Variants in ZC3H14 observed in about 807,000 individuals in gnomAD.
ZC3H14 encodes zinc finger CCCH domain-containing protein 14.
Under a neutral mutation model 92.4 loss-of-function variants are expected in ZC3H14, and 31 were observed. The observed-to-expected ratio is 0.34, with a 90% CI of 0.25 to 0.45. The LOEUF is 0.45. Among genes scored for constraint, ZC3H14 ranks in the 20% least tolerant of loss-of-function variants. The pLI is 1.00. For missense variants in ZC3H14, 781 were observed against 897.3 expected (o/e 0.87, Z 1.66); for synonymous variants, 321 against 300.9 (o/e 1.07, Z -0.69).
chr14:88,568,732 A>G (rs1206547385), intron 3 of ZC3H14, among the ~76,000 whole-genome samples: 2 of 152,202 alleles, frequency 1.3e-5, no homozygotes, highest in African/African-American at 2.4e-5. Context: ...CTCTAGCTAT[A>G]AAATGGAAAT....
rs2087590689 is a variant in ZC3H14, at chr14:88,616,234, G to A, written c.*4483G>A. 9 of 1,613,810 alleles carry A rather than the reference G, an allele frequency of 5.6e-6. No homozygotes were observed. The highest frequency in any genetic ancestry group is 7.6e-6 in the Non-Finnish European group (9 of 1,179,744). On this transcript the variant is annotated 3_prime_UTR_variant, in exon 17 of 17. Transcript: ENST00000251038. ...GGGGCGAATGACCCAAGAACCTTTT[G>A]TGTTTTGCCTAAAAAACAATGACAG...
chr14:88,599,524 C>T, intron 10 of ZC3H14, among the ~76,000 whole-genome samples: 1 of 152,192 alleles, frequency 6.6e-6, no homozygotes, highest in East Asian at 1.9e-4. Context: ...GTTCCGCTTG[C>T]AGAGAGGTGT....
At position 88,603,001 on chromosome 14, in the gene ZC3H14, C is replaced by T. The variant is rs1262819430; in HGVS notation, c.1688C>T (p.Pro563Leu). Residue 563 changes from proline (P) to leucine (L), a missense_variant, in exon 12 of 17, where the codon CCA becomes CTA. Transcript: ENST00000251038. Reference sequence around the variant, plus strand: ...AAGGGACTCAGAGGTCTCCTCCACCCACAGCAGTTGCACTTGCTGAGCAGG... The same window carrying T: ...AAGGGACTCAGAGGTCTCCTCCACCTACAGCAGTTGCACTTGCTGAGCAGG... ...SNKGLRGLLHPQQLHLLSRQL... is the reference protein window; with the variant it reads ...SNKGLRGLLHLQQLHLLSRQL... 2.5e-6 allele frequency: 4 copies of T among 1,614,070 alleles called. No individual in the cohort carries two copies. The highest frequency in any genetic ancestry group is 3.3e-5 in the Admixed American group (2 of 60,008).
At chr14:88,563,431 C>G in intron 1 of ZC3H14, 7 of 1,429,456 alleles carry the variant, frequency 4.9e-6, no homozygotes, top group Non-Finnish European at 6.3e-6. Context: ...CGGCGCACGG[C>G]GCCGCTTTGG....
At chr14:88,578,357 T>C (rs1336687185) in intron 9 of ZC3H14, among the ~76,000 whole-genome samples, 1 of 152,094 alleles carries the variant, frequency 6.6e-6, no homozygotes, top group Non-Finnish European at 1.5e-5. Flanking sequence ...GCCCAGGCAG[T>C]CCTCAAACTC....
chr14:88,600,880 A>T (rs1409892992), intron 10 of ZC3H14, among the ~76,000 whole-genome samples: 1 of 152,042 alleles, frequency 6.6e-6, no homozygotes, highest in Non-Finnish European at 1.5e-5. Flanking sequence ...CAGCCATTCC[A>T]CATTCTAACC....
chr14:88,598,246 C>T (rs1465940219), intron 10 of ZC3H14, among the ~76,000 whole-genome samples: 1 of 152,140 alleles, frequency 6.6e-6, no homozygotes, highest in Non-Finnish European at 1.5e-5. Flanking sequence ...CTGTTTGAAA[C>T]TAGACCCTGT....
intron 3 of ZC3H14, among the ~76,000 whole-genome samples, chr14:88,569,861 C>A (rs2080167702): frequency 6.6e-6 from 1 of 152,144 alleles, no homozygotes. Context: ...GTATAGTGGT[C>A]ATCAGTTGTT....
chr14:88,572,537 C>T (rs1262795712), intron 5 of ZC3H14, 41 bp from the exon 6 acceptor site: 1 of 1,608,872 alleles, frequency 6.2e-7, no homozygotes, highest in Non-Finnish European at 8.5e-7. Context: ...TGATAATTGC[C>T]CTAATTTGGC....
At chr14:88,592,844 C>T (rs2083323453) in intron 9 of ZC3H14, among the ~76,000 whole-genome samples, 1 of 152,146 alleles carries the variant, frequency 6.6e-6, no homozygotes, top group Admixed American at 6.5e-5. Context: ...CATCTACCAA[C>T]TTGCATCCTT....
intron 2 of ZC3H14, among the ~76,000 whole-genome samples, chr14:88,567,198 C>T (rs1429340465): frequency 1.3e-5 from 2 of 151,106 alleles, no homozygotes; most frequent in African/African-American, 4.9e-5. Flanking sequence ...GCACTGCAAG[C>T]TCCGCCTCCT....
rs145521296 is a variant in ZC3H14 at position 88,572,999 on chromosome 14, A to T, written c.853A>T (p.Ser285Cys). ...PFFRNNSEKM[S>C]MEDENFRKRK... ...CTTTAGAAACAACTCGGAGAAAATGAGTATGGAGGTTTGTATGTACTTTTA... is the reference window on the plus strand; with the variant it reads ...CTTTAGAAACAACTCGGAGAAAATGTGTATGGAGGTTTGTATGTACTTTTA... Residue 285 changes from serine to cysteine, a missense_variant, in exon 6 of 17, where the codon AGT becomes TGT. Coordinates refer to ENST00000251038, the MANE Select transcript of ZC3H14 (RefSeq NM_024824.5). 446 of 1,613,978 alleles carry T rather than the reference A, an allele frequency of 2.8e-4. 1 individual carries two copies. The African/African-American group carries it at 5.6e-3, about 20-fold the overall frequency.
In ZC3H14 at chr14:88,621,186, G is replaced by C; in HGVS notation, c.*9435G>C. On this transcript the variant is annotated 3_prime_UTR_variant, in exon 17 of 17. Transcript: ENST00000251038. ...AAGGAAAAAATCCCTGGAAGGATGTGTTGCTAGTCCCCAGATTGGCCCATC... is the reference window on the plus strand; with the variant it reads ...AAGGAAAAAATCCCTGGAAGGATGTCTTGCTAGTCCCCAGATTGGCCCATC... The C allele has an allele frequency of 6.2e-7, 1 of 1,613,932 alleles. No homozygotes were observed. Among genetic ancestry groups the C allele is most frequent in the Non-Finnish European group, 8.5e-7 (1 of 1,179,864 alleles).
chr14:88,571,502 C>T (rs2080388416), intron 4 of ZC3H14, among the ~76,000 whole-genome samples: 1 of 151,996 alleles, frequency 6.6e-6, no homozygotes, highest in African/African-American at 2.4e-5. Context: ...GGAAGAATAA[C>T]AGAATATACA....
chr14:88,563,372 C>G, intron 1 of ZC3H14: 1 of 1,442,434 alleles, frequency 6.9e-7, no homozygotes, highest in South Asian at 1.5e-5. Context: ...GCTGAAGTAG[C>G]CGCCGGGAAA....
At chr14:88,594,539 A>G (rs577640293) in intron 9 of ZC3H14, 23 of 1,435,296 alleles carry the variant, frequency 1.6e-5, no homozygotes, top group Middle Eastern at 2.6e-4. Context: ...CTGACTCTAG[A>G]AATGTACAAC....
At chr14:88,574,599 T>C (rs1158456702) in intron 6 of ZC3H14, 94 bp from the exon 7 acceptor site, 19 of 1,436,076 alleles carry the variant, frequency 1.3e-5, no homozygotes, top group Non-Finnish European at 1.9e-5. Context: ...CTCATATTAC[T>C]GTGTACTGTT....
At position 88,615,733 on chromosome 14, in the gene ZC3H14, A is replaced by G; in HGVS notation, c.*3982A>G. 7.6e-7 allele frequency: 1 copy of G among 1,315,598 alleles called. No homozygotes were observed. The highest frequency in any genetic ancestry group is 1.1e-6 in the Non-Finnish European group (1 of 938,244). The allele number at this position is 1,315,598 out of a possible 1,614,324, so 81.5% of individuals were successfully genotyped here. A position where few individuals can be genotyped will look rare whatever the true frequency, so the allele number is the denominator to read the frequency against. ...CCTGTTACAGTCTTGGGTTAGCACCACTTGACCATGCAGGGTTGGGTTTTG... is the reference window on the plus strand; with the variant it reads ...CCTGTTACAGTCTTGGGTTAGCACCGCTTGACCATGCAGGGTTGGGTTTTG... On this transcript the variant is annotated 3_prime_UTR_variant, in exon 17 of 17. Coordinates refer to ENST00000251038, the MANE Select transcript of ZC3H14 (RefSeq NM_024824.5).
chr14:88,597,865 T>C (rs2084062033), intron 10 of ZC3H14, among the ~76,000 whole-genome samples: 1 of 152,234 alleles, frequency 6.6e-6, no homozygotes, highest in South Asian at 2.1e-4. Flanking sequence ...ATTGTACCCA[T>C]GGTGCACGCA....
Sources: allele counts gnomAD v4.1 joint callset (sites outside exome capture counted in the v4.1 genomes callset), GRCh38; gene constraint gnomAD v4.1.1; transcripts MANE v1.5; gene names NCBI Gene and HGNC (gene_info 2026-07-23, HGNC 2026-07-21).